The following UBAP2 variants were observed in gnomAD, a reference collection of about 807,000 sequenced individuals.
UBAP2 encodes the protein ubiquitin-associated protein 2.
In UBAP2, 75 loss-of-function variants were observed where a neutral mutation model predicts 139.6. The ratio of observed to expected loss-of-function variants is 0.54; its 90% confidence interval spans 0.45 to 0.65. The LOEUF (loss-of-function observed/expected upper bound fraction) is 0.65, where lower values mean the gene tolerates loss of function less well. Ranked by LOEUF, UBAP2 falls within the 30% of genes least tolerant of loss-of-function variation. The probability of loss-of-function intolerance (pLI) is 0.00; values close to 1 mark genes in which losing one functional copy is unlikely to be tolerated. For missense variants in UBAP2, 1,368 were observed against 1,369.6 expected, an observed-to-expected ratio of 1.00 and a Z score of 0.02; for synonymous variants, 526 against 526.2, an observed-to-expected ratio of 1.00 and a Z score of 0.01.
chr9:33,950,752 A>G (rs1335634095), intron 12 of UBAP2, among the ~76,000 whole-genome samples: 1 of 152,232 alleles, frequency 6.6e-6, no homozygotes, highest in African/African-American at 2.4e-5. Context: ...TAGTTTTATC[A>G]AATGCACTAT....
chr9:33,993,079 T>C (rs901224268), intron 4 of UBAP2, among the ~76,000 whole-genome samples: 4 of 152,266 alleles, frequency 2.6e-5, no homozygotes, highest in African/African-American at 9.6e-5. Context: ...CCAAACATTA[T>C]GATGAAACAA....
chr9:33,983,186 A>G (rs187846980), intron 6 of UBAP2, among the ~76,000 whole-genome samples: 42 of 152,054 alleles, frequency 2.8e-4, no homozygotes, highest in Admixed American at 5.2e-4. Context: ...CCCCCCTATA[A>G]TGTGTTTTTA....
chr9:33,983,361 T>C lies in UBAP2; in HGVS notation c.520+3399A>G, dbSNP rs192310587. On this transcript the variant is annotated intron_variant, in intron 6 of 28. Transcript: ENST00000379238. ...GTAGTGGGATTTCAGTCATGAAGATTTGACGATTTCTCTAAGACGCCCACT... is the reference window on the plus strand; with the variant it reads ...GTAGTGGGATTTCAGTCATGAAGATCTGACGATTTCTCTAAGACGCCCACT... Among the ~76,000 whole-genome samples, 1,008 of 152,278 alleles carry C rather than the reference T, an allele frequency of 6.6e-3. 13 individuals carry two copies. Among genetic ancestry groups the C allele is most frequent in the Admixed American group, 0.019 (286 of 15,288 alleles).
chr9:33,926,433 T>C (rs1485281568), intron 22 of UBAP2, among the ~76,000 whole-genome samples, 184 bp downstream of exon 22: 1 of 152,186 alleles, frequency 6.6e-6, no homozygotes, highest in Non-Finnish European at 1.5e-5. Context: ...GGATACTCTG[T>C]GCTAAAGCTA....
chr9:34,031,430 C>G (rs1251452788), intron 1 of UBAP2, among the ~76,000 whole-genome samples: 5 of 152,092 alleles, frequency 3.3e-5, no homozygotes, highest in African/African-American at 1.2e-4. Context: ...GCCTTGGCCT[C>G]CTGAGTAGCT....
At chr9:34,002,867 T>C (rs1168639730) in intron 2 of UBAP2, among the ~76,000 whole-genome samples, 1 of 151,918 alleles carries the variant, frequency 6.6e-6, no homozygotes, top group Non-Finnish European at 1.5e-5. Flanking sequence ...GTTTTGTTTT[T>C]AGTACAAACA....
intron 2 of UBAP2, among the ~76,000 whole-genome samples, chr9:34,007,668 T>C (rs1394242266): frequency 4.0e-5 from 6 of 150,264 alleles, no homozygotes; most frequent in African/African-American, 1.5e-4. Flanking sequence ...AGACTGAGTC[T>C]CGCTCTGTTG....
chr9:34,004,827 G>A (rs1001439261), intron 2 of UBAP2, among the ~76,000 whole-genome samples: 1 of 151,852 alleles, frequency 6.6e-6, no homozygotes, highest in Non-Finnish European at 1.5e-5. Flanking sequence ...TTAAGGCTGG[G>A]CACGGTGACT....
chr9:34,038,790 G>A (rs1258239510), intron 1 of UBAP2, among the ~76,000 whole-genome samples: 1 of 151,442 alleles, frequency 6.6e-6, no homozygotes, highest in African/African-American at 2.4e-5. Flanking sequence ...CCCAGACTGG[G>A]AAGTGAGGAG....
Position 33,922,891 on chromosome 9 carries a change from G to C in UBAP2, c.3073-13C>G, listed in dbSNP as rs1257186465. ...GCTTGTCAAAAGTCTACAGGGCAAA[G>C]AAGACAATGGTGAAGGTCAGGTTGG... On this transcript the variant is annotated splice_polypyrimidine_tract_variant and intron_variant, in intron 27 of 28. Transcript: ENST00000379238. The C allele has an allele frequency of 2.5e-6, 4 of 1,610,024 alleles. No homozygotes were observed. Among genetic ancestry groups the C allele is most frequent in the African/African-American group, 1.3e-5 (1 of 74,834 alleles).
At chr9:34,037,053 A>G (rs985186185) in intron 1 of UBAP2, among the ~76,000 whole-genome samples, 1 of 142,312 alleles carries the variant, frequency 7.0e-6, no homozygotes, top group African/African-American at 2.7e-5. Flanking sequence ...CAGTGGCACA[A>G]TCTCGGCTCG....
rs1828038828 is a variant in UBAP2, at chr9:33,973,174, A to G, written c.575+9T>C. ...AAATAATTATAAAAATAGGATGGCT[A>G]TCACTTACCCCATGCCTTGGGTTGA... On this transcript the variant is annotated intron_variant, in intron 7 of 28. Transcript: ENST00000379238. 1 of 1,613,570 alleles carries G rather than the reference A, an allele frequency of 6.2e-7. No individual in the cohort carries two copies.
At chr9:34,037,997 CAAAAAAA>C (rs72361484) in intron 1 of UBAP2, among the ~76,000 whole-genome samples, 44 of 87,364 alleles carry the variant, frequency 5.0e-4, no homozygotes, top group African/African-American at 1.6e-3. Flanking sequence ...CCTGTCTCTA[CAAAAAAA>C]AAAAAAAAAA....
intron 2 of UBAP2, among the ~76,000 whole-genome samples, chr9:34,001,414 A>G (rs1822690081): frequency 6.6e-6 from 1 of 152,194 alleles, no homozygotes; most frequent in Admixed American, 6.5e-5. Context: ...AGCTTTTGGG[A>G]GCTGGTAAGC....
At chr9:33,980,327 G>A (rs1051886246) in intron 6 of UBAP2, among the ~76,000 whole-genome samples, 1 of 131,974 alleles carries the variant, frequency 7.6e-6, no homozygotes. Context: ...CCGTCTCCCA[G>A]GTTCACGCCA....
intron 1 of UBAP2, among the ~76,000 whole-genome samples, chr9:34,032,916 CAAAAAAAA>C (rs71506153): frequency 8.5e-6 from 1 of 118,074 alleles, no homozygotes; most frequent in Non-Finnish European, 1.7e-5. Flanking sequence ...ACCCTGTCTT[CAAAAAAAA>C]AAAAAAAAAA....
chr9:33,941,168 T>A (rs1160850655), intron 16 of UBAP2, among the ~76,000 whole-genome samples: 1 of 152,196 alleles, frequency 6.6e-6, no homozygotes, highest in African/African-American at 2.4e-5. Context: ...TTAGCAAGAA[T>A]CTAGAAGGGT....
At chr9:34,037,063 G>C (rs1055544434) in intron 1 of UBAP2, among the ~76,000 whole-genome samples, 2 of 140,844 alleles carry the variant, frequency 1.4e-5, no homozygotes, top group Admixed American at 1.6e-4. Flanking sequence ...ATCTCGGCTC[G>C]CTGCAACCTC....
chr9:33,973,087 C>T (rs1564038302), intron 7 of UBAP2, 96 bp downstream of exon 7: 2 of 1,062,256 alleles, frequency 1.9e-6, no homozygotes, highest in East Asian at 2.4e-5. Flanking sequence ...ACTAGATTCA[C>T]CATGATGACT....
Sources: allele counts gnomAD v4.1 joint callset (sites outside exome capture counted in the v4.1 genomes callset), GRCh38; gene constraint gnomAD v4.1.1; transcripts MANE v1.5; gene names NCBI Gene and HGNC (gene_info 2026-07-23, HGNC 2026-07-21).